FIG4: variants seen among roughly 807,000 people sequenced by gnomAD.
The protein encoded by FIG4 is FIG4 phosphoinositide 5-phosphatase, also known as polyphosphoinositide phosphatase.
A neutral mutation model predicts 118.6 loss-of-function variants in FIG4; 112 were observed. The ratio of observed to expected loss-of-function variants is 0.94; its 90% CI spans 0.81 to 1.11. The LOEUF (loss-of-function observed/expected upper bound fraction) is 1.11. Among genes scored for constraint, FIG4 ranks in the 50% least tolerant of loss-of-function variants. FIG4 has a pLI of 0.00. For missense variants in FIG4, 969 were observed against 1,111.7 expected (o/e 0.87, Z 1.83); for synonymous variants, 369 against 381.2 (o/e 0.97, Z 0.37).
chr6:109,824,280 C>T (rs760544604), intron 22 of FIG4, among the ~76,000 whole-genome samples: 12 of 152,184 alleles, frequency 7.9e-5, no homozygotes, highest in Admixed American at 3.3e-4. Context: ...ATCCAAAAGC[C>T]GGAGGCTAGA....
intron 22 of FIG4, among the ~76,000 whole-genome samples, chr6:109,806,332 T>G (rs1320942471): frequency 6.6e-6 from 1 of 152,222 alleles, no homozygotes; most frequent in Non-Finnish European, 1.5e-5. Flanking sequence ...ACTCAATCGG[T>G]GTAATCTGAA....
rs201271644 is a variant in FIG4 at position 109,789,612 on chromosome 6, C to T, written c.2115C>T (p.Thr705=). The stretch of plus-strand genomic sequence containing the variant: ...TCTTTAGTGACTTTATGCCTAAGAC[C>T]GTTGGAATTGATCCAAGTCCATTTA... ...TSSARDFMPK[T]VGIDPSPFTV... The change falls in exon 19 of 23, where the codon ACC becomes ACT. Residue 705 remains threonine, a synonymous_variant. Coordinates refer to ENST00000230124, the MANE Select transcript of FIG4 (RefSeq NM_014845.6). 19 of 1,612,942 alleles carry T rather than the reference C, an allele frequency of 1.2e-5. No homozygotes were observed. Among genetic ancestry groups the T allele is most frequent in the East Asian group, 8.9e-5 (4 of 44,792 alleles).
intron 4 of FIG4, among the ~76,000 whole-genome samples, chr6:109,730,052 A>T (rs1231335551): frequency 2.0e-5 from 3 of 148,438 alleles, no homozygotes; most frequent in Non-Finnish European, 3.0e-5. Context: ...TTAATTTATA[A>T]TTTTTTTTTT....
At chr6:109,758,056 G>T (rs1393759241) in intron 10 of FIG4, among the ~76,000 whole-genome samples, 2 of 152,092 alleles carry the variant, frequency 1.3e-5, no homozygotes, top group Non-Finnish European at 2.9e-5. Context: ...TATAGATTCA[G>T]TGCTATCCCC....
chr6:109,783,514 T>C (rs559647980), intron 16 of FIG4, among the ~76,000 whole-genome samples: 53 of 152,314 alleles, frequency 3.5e-4, no homozygotes, highest in Middle Eastern at 3.4e-3. Flanking sequence ...CTAGGGAGGA[T>C]AGAAACAGTA....
chr6:109,738,547 C>A, intron 7 of FIG4, 94 bp downstream of exon 7: 1 of 1,190,324 alleles, frequency 8.4e-7, no homozygotes, highest in Non-Finnish European at 1.2e-6. Flanking sequence ...GATTATAATA[C>A]CACTCTGTGC....
intron 1 of FIG4, among the ~76,000 whole-genome samples, chr6:109,691,962 A>G (rs567665293): frequency 6.6e-5 from 10 of 152,326 alleles, no homozygotes; most frequent in African/African-American, 1.9e-4. Flanking sequence ...TTACACTTCT[A>G]TTGGTGAACT....
At chr6:109,758,705 T>G (rs182678658) in intron 10 of FIG4, among the ~76,000 whole-genome samples, 1 of 152,258 alleles carries the variant, frequency 6.6e-6, no homozygotes, top group African/African-American at 2.4e-5. Context: ...TTGCAATCTC[T>G]CCATCTCACA....
intron 17 of FIG4, chr6:109,785,813 C>A: frequency 2.3e-6 from 1 of 425,996 alleles, no homozygotes; most frequent in South Asian, 1.7e-5. Context: ...GTTATAAATT[C>A]ATTTTGGAAG....
chr6:109,704,947 T>G (rs1377794824), intron 1 of FIG4, among the ~76,000 whole-genome samples: 2 of 152,128 alleles, frequency 1.3e-5, no homozygotes, highest in Non-Finnish European at 2.9e-5. Flanking sequence ...TACCTGCAAC[T>G]CATTTCCAGA....
At chr6:109,745,549 G>A (rs1174486276) in intron 10 of FIG4, among the ~76,000 whole-genome samples, 1 of 152,030 alleles carries the variant, frequency 6.6e-6, no homozygotes, top group African/African-American at 2.4e-5. Context: ...AGCCCTTTGT[G>A]AGATGGAGAG....
intron 1 of FIG4, among the ~76,000 whole-genome samples, chr6:109,709,314 G>A (rs554799315): frequency 6.6e-6 from 1 of 152,214 alleles, no homozygotes; most frequent in South Asian, 2.1e-4. Flanking sequence ...CTGTTCTATT[G>A]GTCTGCGTGT....
chr6:109,766,660 G>C, intron 14 of FIG4, 69 bp from the exon 15 acceptor site: 1 of 1,346,734 alleles, frequency 7.4e-7, no homozygotes, highest in Non-Finnish European at 1.1e-6. Context: ...CTTGTTTGGA[G>C]TTTGGCTAAG....
Position 109,801,036 on chromosome 6 carries a change from T to C in FIG4, c.2546+4185T>C, listed in dbSNP as rs773016440. Among the ~76,000 whole-genome samples, 36 of 152,170 alleles carry C rather than the reference T, an allele frequency of 2.4e-4. 1 individual carries two copies. The highest frequency in any genetic ancestry group is 5.1e-4 in the Non-Finnish European group (35 of 68,024). On this transcript the variant is annotated intron_variant, in intron 22 of 22. Coordinates refer to ENST00000230124, the MANE Select transcript of FIG4 (RefSeq NM_014845.6). ...CGTTCTCATTTTACACTCCTACCAG[T>C]TCTTGAGAGATTTTAACTAAGCCAA...
intron 7 of FIG4, 104 bp downstream of exon 7, chr6:109,738,557 C>A: frequency 8.9e-7 from 1 of 1,118,750 alleles, no homozygotes; most frequent in Non-Finnish European, 1.4e-6. Flanking sequence ...CCACTCTGTG[C>A]ACCCCAACAG....
chr6:109,786,581 C>A, intron 18 of FIG4, 132 bp downstream of exon 18: 1 of 914,210 alleles, frequency 1.1e-6, no homozygotes, highest in Non-Finnish European at 1.8e-6. Context: ...CCTTTGAATA[C>A]CTCCTGTGAT....
intron 3 of FIG4, among the ~76,000 whole-genome samples, chr6:109,722,097 T>A (rs1583649175): frequency 6.6e-6 from 1 of 152,152 alleles, no homozygotes; most frequent in Non-Finnish European, 1.5e-5. Flanking sequence ...AAATGCTTAC[T>A]TTTGTAAGTT....
chr6:109,769,162 G>A (rs948384107), intron 15 of FIG4, among the ~76,000 whole-genome samples: 2 of 151,490 alleles, frequency 1.3e-5, no homozygotes, highest in South Asian at 2.1e-4. Flanking sequence ...GAGTGCAGTG[G>A]CTCAAACTCG....
At chr6:109,739,817 A>T (rs1776270708) in intron 7 of FIG4, among the ~76,000 whole-genome samples, 2 of 152,138 alleles carry the variant, frequency 1.3e-5, no homozygotes, top group Admixed American at 1.3e-4. Context: ...GTGACTGACC[A>T]TTATTATGCT....
Sources: gnomAD v4.1 joint callset for allele counts (sites outside exome capture counted in the v4.1 genomes callset) on GRCh38, gnomAD v4.1.1 for gene constraint, MANE v1.5 for transcripts, NCBI Gene and HGNC (gene_info 2026-07-23, HGNC 2026-07-21) for gene names.